Variants in HYCC1 observed in about 807,000 individuals in gnomAD.
HYCC1 encodes the protein hyccin.
chr7:22,978,226 G>C, the HYCC1 span: 1 of 1,575,418 alleles, frequency 6.3e-7, no homozygotes, highest in Non-Finnish European at 8.7e-7. Context: ...TTATATATTT[G>C]ATTTTGTCAA....
chr7:22,924,626 G>A, the HYCC1 span, among the ~76,000 whole-genome samples: 27 of 152,364 alleles, frequency 1.8e-4, no homozygotes, highest in East Asian at 2.7e-3. Flanking sequence ...GCGGCAGCAA[G>A]GCTGGGGGAG....
At chr7:22,965,320 C>T in the HYCC1 span, among the ~76,000 whole-genome samples, 1 of 151,540 alleles carries the variant, frequency 6.6e-6, no homozygotes, top group African/African-American at 2.4e-5. Flanking sequence ...AGATTATAAC[C>T]GTTAATGTTT....
chr7:22,913,659 T>G, the HYCC1 span, among the ~76,000 whole-genome samples: 1,817 of 152,306 alleles, frequency 0.012, 34 homozygotes, highest in African/African-American at 0.04. Flanking sequence ...AACAACTCCC[T>G]TTTACTGTAA....
chr7:22,979,365 C>T, the HYCC1 span, among the ~76,000 whole-genome samples: 1 of 152,182 alleles, frequency 6.6e-6, no homozygotes, highest in Non-Finnish European at 1.5e-5. Context: ...AGTTAATCTT[C>T]CACAAGGAAT....
chr7:22,966,148 C>T, the HYCC1 span, among the ~76,000 whole-genome samples: 1 of 152,094 alleles, frequency 6.6e-6, no homozygotes, highest in South Asian at 2.1e-4. Flanking sequence ...AACAAATAGG[C>T]GTATAGTGTG....
the HYCC1 span, among the ~76,000 whole-genome samples, chr7:22,948,633 G>C: frequency 1.3e-5 from 2 of 152,066 alleles, no homozygotes; most frequent in Non-Finnish European, 2.9e-5. Context: ...TCCATACCCA[G>C]CAGCAATATG....
At chr7:22,985,839 A>T in the HYCC1 span, 28 of 148,866 alleles carry the variant, frequency 1.9e-4, no homozygotes, top group African/African-American at 6.1e-4. Context: ...TATATATATA[A>T]AATGCATTAT....
At chr7:23,002,185 T>C in the HYCC1 span, among the ~76,000 whole-genome samples, 1 of 138,796 alleles carries the variant, frequency 7.2e-6, no homozygotes. Context: ...TACATATAGT[T>C]TGCGGCTACA....
chr7:22,907,307 G>A, the HYCC1 span, among the ~76,000 whole-genome samples: 153 of 152,120 alleles, frequency 1.0e-3, 1 homozygote, highest in African/African-American at 3.5e-3. Context: ...AGGTAACAAT[G>A]AAGCAAAAAA....
At chr7:22,936,767 C>T in the HYCC1 span, 1 of 152,146 alleles carries the variant, frequency 6.6e-6, no homozygotes, top group Non-Finnish European at 1.5e-5. Context: ...CCTCACTGTC[C>T]TCCAGAACCA....
chr7:22,928,095 T>C, the HYCC1 span, among the ~76,000 whole-genome samples: 1 of 152,294 alleles, frequency 6.6e-6, no homozygotes. Flanking sequence ...CACATGATTA[T>C]CTCAATAGAT....
chr7:22,927,454 G>A, the HYCC1 span, among the ~76,000 whole-genome samples: 2 of 152,068 alleles, frequency 1.3e-5, no homozygotes, highest in African/African-American at 4.8e-5. Context: ...TAATAAAGAA[G>A]AAAAGAGAGA....
At chr7:22,949,346 TA>T in the HYCC1 span, among the ~76,000 whole-genome samples, 3 of 152,074 alleles carry the variant, frequency 2.0e-5, no homozygotes, top group Non-Finnish European at 4.4e-5. Context: ...AGCTAACCAG[TA>T]AAATCTTTTA....
chr7:22,962,184 T>C, the HYCC1 span, among the ~76,000 whole-genome samples: 1 of 152,086 alleles, frequency 6.6e-6, no homozygotes, highest in South Asian at 2.1e-4. Flanking sequence ...TAAGGAGAGA[T>C]GGGCCACAAT....
At chr7:22,990,994 C>A in the HYCC1 span, 1 of 1,062,678 alleles carries the variant, frequency 9.4e-7, no homozygotes, top group South Asian at 1.3e-5. Context: ...ACAAAAATCA[C>A]TGGAATTTAA....
At chr7:22,955,837 A>G in the HYCC1 span, among the ~76,000 whole-genome samples, 1 of 151,730 alleles carries the variant, frequency 6.6e-6, no homozygotes, top group Non-Finnish European at 1.5e-5. Flanking sequence ...GAAATGGTAG[A>G]TGATGAAGGT....
At chr7:22,920,261 C>A in the HYCC1 span, among the ~76,000 whole-genome samples, 1 of 152,136 alleles carries the variant, frequency 6.6e-6, no homozygotes, top group African/African-American at 2.4e-5. Context: ...GTGGAAGGAT[C>A]TCTTCAATGC....
chr7:22,960,173 T>G, the HYCC1 span: 3 of 1,385,204 alleles, frequency 2.2e-6, no homozygotes, highest in Non-Finnish European at 3.1e-6. Flanking sequence ...TTTACTGAAG[T>G]TAGAAGTTAT....
chr7:22,969,004 A>G, the HYCC1 span, among the ~76,000 whole-genome samples: 24 of 152,048 alleles, frequency 1.6e-4, no homozygotes, highest in Non-Finnish European at 3.2e-4. Flanking sequence ...CAAAAAAAAA[A>G]GTGGACAATG....
Sources: allele counts gnomAD v4.1 joint callset (sites outside exome capture counted in the v4.1 genomes callset), GRCh38; gene constraint gnomAD v4.1.1; transcripts MANE v1.5; gene names NCBI Gene and HGNC (gene_info 2026-07-23, HGNC 2026-07-21).